The following IFT74 variants were observed in gnomAD, a reference collection of about 807,000 sequenced individuals.
The protein encoded by IFT74 is intraflagellar transport 74.
In IFT74, 92 loss-of-function variants were observed where a neutral mutation model predicts 96.7. The ratio of observed to expected loss-of-function variants is 0.95; its 90% CI spans 0.80 to 1.13. The LOEUF is 1.13. Ranked by LOEUF, IFT74 falls within the 50% of genes most tolerant of loss-of-function variation. The pLI, the probability that IFT74 is intolerant of heterozygous loss-of-function variation, is 0.00. For missense variants in IFT74, 811 were observed against 698.2 expected (o/e 1.16, Z -1.82); for synonymous variants, 223 against 213.2 (o/e 1.05, Z -0.40).
At chr9:26,947,728 C>T (rs779249547) in intron 1 of IFT74, among the ~76,000 whole-genome samples, 4 of 152,164 alleles carry the variant, frequency 2.6e-5, no homozygotes, top group Non-Finnish European at 4.4e-5. Context: ...AATCATTGAA[C>T]TATTCCTCCG....
chr9:27,003,060 G>A (rs947912062), intron 8 of IFT74, among the ~76,000 whole-genome samples: 1 of 152,032 alleles, frequency 6.6e-6, no homozygotes, highest in Non-Finnish European at 1.5e-5. Context: ...TCGTAAACAG[G>A]CTTGCTTTCT....
intron 12 of IFT74, chr9:27,028,783 G>T: frequency 1.5e-5 from 4 of 266,332 alleles, no homozygotes; most frequent in African/African-American, 2.2e-5. Flanking sequence ...ATCTAGACAA[G>T]ATTCTTCCTC....
chr9:26,971,054 ATG>A (rs1220888142), intron 2 of IFT74, among the ~76,000 whole-genome samples: 1 of 152,192 alleles, frequency 6.6e-6, no homozygotes, highest in Non-Finnish European at 1.5e-5. Context: ...GTCTGAATCA[ATG>A]TTTTCTATTA....
chr9:26,981,488 G>A (rs1384549325), intron 4 of IFT74, among the ~76,000 whole-genome samples: 1 of 151,274 alleles, frequency 6.6e-6, no homozygotes, highest in East Asian at 2.0e-4. Context: ...GATCTCGGTT[G>A]ACTGCAACCT....
chr9:26,950,427 A>C (rs1262756436), intron 1 of IFT74, among the ~76,000 whole-genome samples: 1 of 152,178 alleles, frequency 6.6e-6, no homozygotes, highest in Non-Finnish European at 1.5e-5. Context: ...ATCTTGTCTT[A>C]TGAATGTAGC....
rs185231018 is a variant in IFT74, at chr9:27,065,074, G to T, written c.*2338G>T. Among the ~76,000 whole-genome samples, 3 of 152,186 alleles carry T rather than the reference G, an allele frequency of 2.0e-5. No homozygotes were observed. Among genetic ancestry groups the T allele is most frequent in the African/African-American group, 7.2e-5 (3 of 41,538 alleles). On this transcript the variant is annotated 3_prime_UTR_variant, in exon 20 of 20. Coordinates refer to ENST00000380062, the MANE Select transcript of IFT74 (RefSeq NM_025103.4). Reference sequence around the variant, plus strand: ...AAGAAAGTAGGAGGAAGATTGGCCTGTCCATTAAATATATGTGTTTGCATT... The same window carrying T: ...AAGAAAGTAGGAGGAAGATTGGCCTTTCCATTAAATATATGTGTTTGCATT...
In IFT74 at chr9:27,055,601, T is replaced by G. The variant is rs1232258357; in HGVS notation, c.1334-8T>G. ...GATTAATTATCACCTTAAATTCTTA[T>G]GTTTCAGACATTCAACGTCTGCAGT... On this transcript the variant is annotated splice_polypyrimidine_tract_variant and splice_region_variant and intron_variant, in intron 16 of 19. Transcript: ENST00000380062. The G allele has an allele frequency of 6.4e-7, 1 of 1,558,426 alleles. No individual in the cohort carries two copies. The highest frequency in any genetic ancestry group is 8.6e-7 in the Non-Finnish European group (1 of 1,158,416).
At chr9:27,011,177 G>C (rs1040586702) in intron 9 of IFT74, among the ~76,000 whole-genome samples, 3 of 152,092 alleles carry the variant, frequency 2.0e-5, no homozygotes, top group African/African-American at 7.2e-5. Context: ...GGTTGATCCC[G>C]GGAGGCGGAG....
chr9:27,057,050 A>G (rs1820198214), intron 18 of IFT74, among the ~76,000 whole-genome samples: 1 of 152,150 alleles, frequency 6.6e-6, no homozygotes, highest in African/African-American at 2.4e-5. Flanking sequence ...TTGTCAATAT[A>G]TATATTGACT....
intron 8 of IFT74, chr9:26,994,866 C>T (rs1828061843): frequency 6.6e-6 from 1 of 152,536 alleles, no homozygotes; most frequent in South Asian, 2.1e-4. Flanking sequence ...GCCAGTATGA[C>T]ATTAAACTGT....
At chr9:26,978,366 T>TA (rs1409884608) in intron 3 of IFT74, 103 bp downstream of exon 3, 13 of 1,192,284 alleles carry the variant, frequency 1.1e-5, no homozygotes, top group Middle Eastern at 2.1e-4. Context: ...TTTTGAACAA[T>TA]AAGTATTACA....
chr9:27,021,622 A>G (rs1046637818), intron 12 of IFT74, among the ~76,000 whole-genome samples: 6 of 152,018 alleles, frequency 3.9e-5, no homozygotes, highest in African/African-American at 1.4e-4. Flanking sequence ...CCATTTGTAT[A>G]TCTTCTTTTG....
intron 19 of IFT74, 22 bp from the exon 20 acceptor site, chr9:27,062,596 C>A: frequency 1.6e-6 from 2 of 1,247,620 alleles, no homozygotes; most frequent in South Asian, 1.3e-5. Context: ...ACATTGTTTT[C>A]CCCCTTAACT....
At chr9:26,980,429 T>G in intron 3 of IFT74, 142 bp from the exon 4 acceptor site, 1 of 700,492 alleles carries the variant, frequency 1.4e-6, no homozygotes. Flanking sequence ...CTCTTTTCAG[T>G]TTCAGTGATT....
At chr9:27,050,863 A>T (rs10967682) in intron 16 of IFT74, among the ~76,000 whole-genome samples, 13,943 of 152,050 alleles carry the variant, frequency 0.092, 1,743 homozygotes, top group East Asian at 0.67. Flanking sequence ...GTGCACATGT[A>T]CCCTAGAACT....
chr9:27,004,853 G>GA (rs1026622668), intron 8 of IFT74, among the ~76,000 whole-genome samples: 37 of 148,880 alleles, frequency 2.5e-4, no homozygotes, highest in South Asian at 4.2e-4. Context: ...CTACGTTACT[G>GA]AAAAAAAAAG....
intron 1 of IFT74, chr9:26,947,177 G>T: frequency 1.8e-6 from 2 of 1,113,336 alleles, no homozygotes; most frequent in South Asian, 3.6e-5. Flanking sequence ...GGAAGAGCCC[G>T]AGAGCCGGTA....
intron 13 of IFT74, among the ~76,000 whole-genome samples, chr9:27,031,435 C>A (rs906093937): frequency 6.6e-6 from 1 of 151,686 alleles, no homozygotes; most frequent in African/African-American, 2.4e-5. Flanking sequence ...CCTCTATGCT[C>A]CAGCCTGGGT....
At chr9:27,021,786 A>G (rs778849491) in intron 12 of IFT74, among the ~76,000 whole-genome samples, 27 of 152,094 alleles carry the variant, frequency 1.8e-4, no homozygotes, top group Non-Finnish European at 2.6e-4. Flanking sequence ...TGGGTTGTCT[A>G]TTAACTCTGC....
Sources: allele counts gnomAD v4.1 joint callset (sites outside exome capture counted in the v4.1 genomes callset), GRCh38; gene constraint gnomAD v4.1.1; transcripts MANE v1.5; gene names NCBI Gene and HGNC (gene_info 2026-07-23, HGNC 2026-07-21).